ZC3H14: variants seen among roughly 807,000 people sequenced by gnomAD.
ZC3H14 encodes the protein zinc finger CCCH domain-containing protein 14.
ZC3H14 carries 31 observed loss-of-function variants against 92.4 expected under a neutral mutation model. That is an observed-to-expected ratio of 0.34 (90% CI 0.25 to 0.45). ZC3H14 has a LOEUF of 0.45. ZC3H14 is among the 20% of genes least tolerant of loss of function. The pLI, the probability that ZC3H14 is intolerant of heterozygous loss-of-function variation, is 1.00. For synonymous variants in ZC3H14, 321 were observed against 300.9 expected (o/e 1.07, Z -0.69); for missense variants, 781 against 897.3 (o/e 0.87, Z 1.66).
Position 88,624,479 on chromosome 14 carries a change from T to C in ZC3H14, c.*12728T>C, listed in dbSNP as rs1144915. ...TGAAAATCACTCAGAAGAGACCTCT[T>C]CTCAAATTTTGAGGTCTTGTATAAA... is the stretch of plus-strand genomic sequence containing the variant. On this transcript the variant is annotated 3_prime_UTR_variant, in exon 17 of 17. Transcript: ENST00000251038. The C allele has an allele frequency of 0.59, 91,312 of 153,550 alleles. 29,438 individuals carry two copies. Among genetic ancestry groups the C allele is most frequent in the Non-Finnish European group, 0.73 (50,478 of 69,028 alleles). 9.5% of individuals were successfully genotyped at this position (153,550 alleles called of 1,614,324 possible). A position where few individuals can be genotyped will look rare whatever the true frequency, so the allele number is the denominator to read the frequency against.
In ZC3H14 at chr14:88,622,803, A is replaced by ATT; in HGVS notation, c.*11053_*11054insTT. The ATT allele has an allele frequency of 1.3e-6, 1 of 791,074 alleles. No homozygotes were observed. Among genetic ancestry groups the ATT allele is most frequent in the Non-Finnish European group, 1.7e-6 (1 of 587,946 alleles). 49.0% of individuals were successfully genotyped at this position (791,074 alleles called of 1,614,324 possible). On this transcript the variant is annotated 3_prime_UTR_variant, in exon 17 of 17. Transcript: ENST00000251038. The stretch of plus-strand genomic sequence containing the variant: ...AAACAAATACCAAGTTATAAGCAGA[A>ATT]TCTTTTTTTTTTAAAAAGGCCCTGA...
intron 4 of ZC3H14, 63 bp downstream of exon 4, chr14:88,571,187 A>C: frequency 7.0e-7 from 1 of 1,428,030 alleles, no homozygotes; most frequent in Non-Finnish European, 9.6e-7. Flanking sequence ...GTTTCTTTCT[A>C]AAGTCATAGT....
intron 12 of ZC3H14, among the ~76,000 whole-genome samples, chr14:88,606,174 T>C (rs997956784): frequency 6.6e-6 from 1 of 152,232 alleles, no homozygotes; most frequent in African/African-American, 2.4e-5. Flanking sequence ...TTCAGTGTTA[T>C]TTAATAAATT....
intron 9 of ZC3H14, chr14:88,592,383 A>G (rs996446207): frequency 6.6e-6 from 1 of 152,148 alleles, no homozygotes; most frequent in African/African-American, 2.4e-5. Flanking sequence ...AAGTGGAGAA[A>G]TGAATAAAGA....
chr14:88,583,990 T>C (rs1303009068), intron 9 of ZC3H14, among the ~76,000 whole-genome samples: 2 of 152,350 alleles, frequency 1.3e-5, no homozygotes, highest in Non-Finnish European at 1.5e-5. Flanking sequence ...TTATATACTA[T>C]TAGGTGCATA....
chr14:88,622,655 C>T lies in ZC3H14; in HGVS notation c.*10904C>T. ...AATCTGTGGCTTGTCCTGTCTCAAG[C>T]CTGAAGGCACGGCACCGCCTCAGTT... On this transcript the variant is annotated 3_prime_UTR_variant, in exon 17 of 17. Coordinates refer to ENST00000251038, the MANE Select transcript of ZC3H14 (RefSeq NM_024824.5). The T allele has an allele frequency of 1.2e-6, 2 of 1,611,700 alleles. No individual in the cohort carries two copies. Among genetic ancestry groups the T allele is most frequent in the Non-Finnish European group, 1.7e-6 (2 of 1,178,840 alleles).
intron 15 of ZC3H14, among the ~76,000 whole-genome samples, chr14:88,610,431 T>C (rs1424875017): frequency 1.3e-5 from 2 of 152,170 alleles, no homozygotes; most frequent in African/African-American, 2.4e-5. Flanking sequence ...TTTCAAGGCT[T>C]CACTAGTATT....
chr14:88,624,895 A>C lies in ZC3H14; in HGVS notation c.*13144A>C. On this transcript the variant is annotated 3_prime_UTR_variant, in exon 17 of 17. Coordinates refer to ENST00000251038, the MANE Select transcript of ZC3H14 (RefSeq NM_024824.5). ...AGGACACTCTGTGTAGCCTAGAAAC[A>C]ACTAGAATAATTAACTGCAAACCTC... The C allele has an allele frequency of 6.5e-7, 1 of 1,542,534 alleles. No homozygotes were observed. The highest frequency in any genetic ancestry group is 2.3e-5 in the East Asian group (1 of 43,946).
Position 88,602,853 on chromosome 14 carries a change from G to T in ZC3H14, c.1540G>T (p.Ala514Ser), listed in dbSNP as rs142810758. ...TRDLVQPDKPASPKFIVTLDG... is the reference protein window; with the variant it reads ...TRDLVQPDKPSSPKFIVTLDG... Reference sequence around the variant, plus strand: ...AGATCTTGTACAACCAGATAAACCTGCAAGTCCCAAGTTTATAGTGACGCT... The same window carrying T: ...AGATCTTGTACAACCAGATAAACCTTCAAGTCCCAAGTTTATAGTGACGCT... Residue 514 changes from alanine to serine, a missense_variant, in exon 12 of 17, where the codon GCA (alanine) becomes TCA (serine). This residue lies in a region of ZC3H14 where 221 missense variants were observed against 304.7 expected (regional missense o/e 0.73). Transcript: ENST00000251038. 7 of 1,614,138 alleles carry T rather than the reference G, an allele frequency of 4.3e-6. No homozygotes were observed. The highest frequency in any genetic ancestry group is 3.3e-5 in the South Asian group (3 of 91,078).
Position 88,571,138 on chromosome 14 carries a change from CTTT to C in ZC3H14, c.235+22_235+24del. 6.8e-7 allele frequency: 1 copy of C among 1,460,606 alleles called. No homozygotes were observed. The highest frequency in any genetic ancestry group is 1.3e-5 in the South Asian group (1 of 79,618). The allele number at this position is 1,460,606 out of a possible 1,614,324, so 90.5% of individuals were successfully genotyped here. On this transcript the variant is annotated intron_variant, in intron 4 of 16. Coordinates refer to ENST00000251038, the MANE Select transcript of ZC3H14 (RefSeq NM_024824.5). ...CTGTTACAACTGGTAAGATTCATAA[CTTT>C]TTTTTTTAATTTCTGCTTGCTATGG...
rs973524369 is a variant in ZC3H14, at chr14:88,590,938, G to A, written c.1280-5796G>A. 2.0e-5 allele frequency: 3 copies of A among 152,212 alleles called. No individual in the cohort carries two copies. In the East Asian group the frequency reaches 5.8e-4, roughly 30 times the overall value. The allele number at this position is 152,212 out of a possible 1,614,324, so 9.4% of individuals were successfully genotyped here. A position where few individuals can be genotyped will look rare whatever the true frequency, so the allele number is the denominator to read the frequency against. On this transcript the variant is annotated intron_variant, in intron 9 of 16. Coordinates refer to ENST00000251038, the MANE Select transcript of ZC3H14 (RefSeq NM_024824.5). ...GTGGTTTTGCCTGCTGTGCCTTACA[G>A]CCAGTATTTGTCCATATATTTTCTA... is the stretch of plus-strand genomic sequence containing the variant.
At chr14:88,588,740 C>G (rs906980425) in intron 9 of ZC3H14, among the ~76,000 whole-genome samples, 1 of 152,100 alleles carries the variant, frequency 6.6e-6, no homozygotes, top group African/African-American at 2.4e-5. Context: ...GGTGGAAATT[C>G]TGTTAGTTGG....
chr14:88,601,888 A>G, intron 10 of ZC3H14, 36 bp from the exon 11 acceptor site: 2 of 1,612,656 alleles, frequency 1.2e-6, no homozygotes, highest in South Asian at 2.2e-5. Flanking sequence ...AGGTATATTC[A>G]AAAGTAAACA....
intron 9 of ZC3H14, chr14:88,589,749 C>G (rs908919090): frequency 6.6e-6 from 1 of 152,288 alleles, no homozygotes; most frequent in African/African-American, 2.4e-5. Context: ...CTCTGTCTCC[C>G]TCCTTCCCTT....
intron 2 of ZC3H14, among the ~76,000 whole-genome samples, chr14:88,566,549 G>C (rs1162757200): frequency 6.6e-6 from 1 of 152,070 alleles, no homozygotes; most frequent in South Asian, 2.1e-4. Flanking sequence ...ATTTTTTATA[G>C]TTTTCTTTGA....
intron 9 of ZC3H14, chr14:88,594,638 G>A: frequency 1.2e-6 from 2 of 1,605,750 alleles, no homozygotes; most frequent in Non-Finnish European, 1.7e-6. Context: ...TACTTTCGAT[G>A]AAATAACTTA....
intron 9 of ZC3H14, among the ~76,000 whole-genome samples, chr14:88,580,305 A>G (rs2081741383): frequency 6.6e-6 from 1 of 152,234 alleles, no homozygotes; most frequent in Admixed American, 6.5e-5. Flanking sequence ...ACTGTGTCTC[A>G]AAATAAATGA....
intron 6 of ZC3H14, among the ~76,000 whole-genome samples, chr14:88,573,406 A>G (rs1405102723): frequency 6.6e-6 from 1 of 152,104 alleles, no homozygotes. Flanking sequence ...ACAAAAAACA[A>G]AAAAAACACA....
At chr14:88,567,024 T>G (rs945267765) in intron 2 of ZC3H14, among the ~76,000 whole-genome samples, 3 of 151,936 alleles carry the variant, frequency 2.0e-5, no homozygotes, top group South Asian at 4.1e-4. Context: ...GAGGTTTTTG[T>G]TTTTTTGTTC....
Sources: allele counts gnomAD v4.1 joint callset (sites outside exome capture counted in the v4.1 genomes callset), GRCh38; gene constraint gnomAD v4.1.1; regional missense constraint gnomAD v4.1.1; transcripts MANE v1.5; gene names NCBI Gene and HGNC (gene_info 2026-07-23, HGNC 2026-07-21).